NOL4: variants seen among roughly 807,000 people sequenced by gnomAD.
The protein encoded by NOL4 is cancer/testis antigen 125.
NOL4 carries 17 observed loss-of-function variants against 75.9 expected under a neutral mutation model. The ratio of observed to expected loss-of-function variants is 0.22; its 90% CI spans 0.15 to 0.34. NOL4 has a LOEUF of 0.34. NOL4 is among the 10% of genes least tolerant of loss of function. The pLI, the probability that NOL4 is intolerant of heterozygous loss-of-function variation, is 1.00. For missense variants in NOL4, 614 were observed against 793.5 expected, an observed-to-expected ratio of 0.77 and a Z score of 2.72; for synonymous variants, 292 against 289.9, an observed-to-expected ratio of 1.01 and a Z score of -0.07.
intron 1 of NOL4, among the ~76,000 whole-genome samples, chr18:34,130,507 A>G (rs548014600): frequency 2.0e-5 from 3 of 152,064 alleles, no homozygotes; most frequent in Admixed American, 6.6e-5. Context: ...CACATTTATT[A>G]TTCTATCAGT....
At chr18:34,213,527 A>T (rs1172120211) in intron 1 of NOL4, among the ~76,000 whole-genome samples, 2 of 152,092 alleles carry the variant, frequency 1.3e-5, no homozygotes, top group Non-Finnish European at 2.9e-5. Flanking sequence ...TGACCTTGTG[A>T]TCTACCCGCC....
chr18:34,130,011 C>T lies in NOL4; in HGVS notation c.274G>A (p.Gly92Arg), dbSNP rs2080564657. Reference protein sequence around the residue: ...YVPVKTTDGVGVDEKLSLRRV... With the variant: ...YVPVKTTDGVRVDEKLSLRRV... Reference sequence around the variant, plus strand: ...CGTAAAGATAGCTTCTCATCTACCCCTACGCCATCCTGGAAACAAAACAAC... The same window carrying T: ...CGTAAAGATAGCTTCTCATCTACCCTTACGCCATCCTGGAAACAAAACAAC... Residue 92 changes from glycine (G) to arginine (R), a missense_variant, in exon 2 of 11, where the codon GGG (glycine) becomes AGG (arginine). Gly to Arg is a moderately radical substitution (Grantham distance 125). Around this residue, in one of 9 missense-constraint regions of NOL4, gnomAD observed 49 missense variants for 39.6 expected, o/e 1.24. Transcript: ENST00000261592. The T allele has an allele frequency of 6.4e-7, 1 of 1,560,544 alleles. No homozygotes were observed. Among genetic ancestry groups the T allele is most frequent in the Non-Finnish European group, 8.7e-7 (1 of 1,154,722 alleles).
chr18:33,987,208 T>C (rs1481649705), intron 6 of NOL4, among the ~76,000 whole-genome samples: 1 of 152,072 alleles, frequency 6.6e-6, no homozygotes, highest in Non-Finnish European at 1.5e-5. Flanking sequence ...AAAGCTAGAC[T>C]GAAAAATAAC....
intron 1 of NOL4, among the ~76,000 whole-genome samples, chr18:34,199,652 T>C (rs1203372806): frequency 6.6e-6 from 1 of 151,822 alleles, no homozygotes; most frequent in African/African-American, 2.4e-5. Flanking sequence ...TATTCTATCA[T>C]GACACAAGCC....
At chr18:34,056,952 T>C (rs1041624739) in intron 5 of NOL4, among the ~76,000 whole-genome samples, 7 of 152,178 alleles carry the variant, frequency 4.6e-5, no homozygotes, top group Admixed American at 3.9e-4. Context: ...TTAAAGATGA[T>C]AGTTGGTTAC....
intron 2 of NOL4, among the ~76,000 whole-genome samples, chr18:34,109,713 A>G (rs1471188069): frequency 6.6e-6 from 1 of 152,036 alleles, no homozygotes; most frequent in Non-Finnish European, 1.5e-5. Context: ...AAAAAAGATC[A>G]ATGAAACTTG....
At chr18:33,997,985 G>T (rs895156473) in intron 6 of NOL4, among the ~76,000 whole-genome samples, 2 of 151,854 alleles carry the variant, frequency 1.3e-5, no homozygotes, top group Non-Finnish European at 2.9e-5. Flanking sequence ...AAAATGGACA[G>T]ATCTTAAAAA....
chr18:33,885,889 T>G (rs543254554), intron 9 of NOL4, among the ~76,000 whole-genome samples: 1 of 152,280 alleles, frequency 6.6e-6, no homozygotes, highest in South Asian at 2.1e-4. Flanking sequence ...GTTGCAACAC[T>G]GTTTACAATA....
At chr18:33,994,795 G>A (rs2073157383) in intron 6 of NOL4, among the ~76,000 whole-genome samples, 1 of 151,536 alleles carries the variant, frequency 6.6e-6, no homozygotes, top group Non-Finnish European at 1.5e-5. Context: ...GAAGATTTGA[G>A]TGGAAATTAA....
At chr18:34,173,364 G>A (rs2033230353) in intron 1 of NOL4, among the ~76,000 whole-genome samples, 1 of 152,004 alleles carries the variant, frequency 6.6e-6, no homozygotes, top group South Asian at 2.1e-4. Flanking sequence ...TTTGATATTT[G>A]ATGAGAGGGC....
intron 5 of NOL4, among the ~76,000 whole-genome samples, chr18:34,089,250 A>C (rs1196920790): frequency 6.6e-6 from 1 of 152,156 alleles, no homozygotes; most frequent in Non-Finnish European, 1.5e-5. Flanking sequence ...CTCTAAATAA[A>C]ATCTTAATCA....
chr18:34,140,695 G>A (rs1056133638), intron 1 of NOL4, among the ~76,000 whole-genome samples: 1 of 152,142 alleles, frequency 6.6e-6, no homozygotes, highest in Non-Finnish European at 1.5e-5. Flanking sequence ...TGTTAATCTT[G>A]TTATGTGTGA....
intron 1 of NOL4, among the ~76,000 whole-genome samples, chr18:34,175,811 C>T (rs1409445400): frequency 6.6e-6 from 1 of 152,006 alleles, no homozygotes; most frequent in Non-Finnish European, 1.5e-5. Flanking sequence ...AGAAAATTTA[C>T]TAAACAATTA....
chr18:34,151,560 G>A (rs1216397263), intron 1 of NOL4, among the ~76,000 whole-genome samples: 2 of 151,768 alleles, frequency 1.3e-5, no homozygotes, highest in Admixed American at 6.6e-5. Context: ...GGAAGGGGGG[G>A]ATTAATAGAC....
At chr18:34,221,988 C>G in intron 1 of NOL4, 2 of 1,509,434 alleles carry the variant, frequency 1.3e-6, no homozygotes. Flanking sequence ...GCCAGATAGC[C>G]TCCCCCATCC....
intron 7 of NOL4, among the ~76,000 whole-genome samples, chr18:33,957,957 G>T (rs2069784481): frequency 6.6e-6 from 1 of 152,046 alleles, no homozygotes; most frequent in Non-Finnish European, 1.5e-5. Flanking sequence ...CAGATGACGG[G>T]CGTACTCTTC....
At chr18:34,200,207 T>C (rs1479742712) in intron 1 of NOL4, among the ~76,000 whole-genome samples, 1 of 151,760 alleles carries the variant, frequency 6.6e-6, no homozygotes, top group Non-Finnish European at 1.5e-5. Flanking sequence ...CTTTTAGCAG[T>C]TTATAAACTG....
intron 1 of NOL4, among the ~76,000 whole-genome samples, chr18:34,149,844 C>G (rs1479602050): frequency 6.6e-6 from 1 of 151,554 alleles, no homozygotes; most frequent in Admixed American, 6.6e-5. Context: ...CTAGAATTGT[C>G]CCTGGTATAT....
chr18:33,881,548 T>C (rs898953503), intron 10 of NOL4, among the ~76,000 whole-genome samples: 5 of 151,604 alleles, frequency 3.3e-5, no homozygotes, highest in South Asian at 4.2e-4. Context: ...CTCAAGGAAA[T>C]AAAAGAGGAT....
Sources: allele counts gnomAD v4.1 joint callset (sites outside exome capture counted in the v4.1 genomes callset), GRCh38; gene constraint gnomAD v4.1.1; regional missense constraint gnomAD v4.1.1; transcripts MANE v1.5; gene names NCBI Gene and HGNC (gene_info 2026-07-23, HGNC 2026-07-21).